Variants in RBFOX1 observed in about 807,000 individuals in gnomAD.
RBFOX1 encodes RNA binding protein fox-1 homolog 1.
In RBFOX1, 8 loss-of-function variants were observed where a neutral mutation model predicts 57.7. The ratio of observed to expected loss-of-function variants is 0.14; its 90% confidence interval spans 0.08 to 0.25. The LOEUF is 0.25. RBFOX1 is among the 10% of genes least tolerant of loss of function. The probability of loss-of-function intolerance (pLI) is 1.00; values close to 1 mark genes in which losing one functional copy is unlikely to be tolerated. For synonymous variants in RBFOX1, 326 were observed against 222.4 expected, an observed-to-expected ratio of 1.47 and a Z score of -4.15; for missense variants, 611 against 548.5, an observed-to-expected ratio of 1.11 and a Z score of -1.14.
At chr16:6,478,824 T>C (rs2095325831) in intron 2 of RBFOX1, among the ~76,000 whole-genome samples, 2 of 152,136 alleles carry the variant, frequency 1.3e-5, no homozygotes, top group African/African-American at 4.8e-5. Flanking sequence ...GCACAGTTTT[T>C]GGCACCCCAA....
At chr16:6,481,569 A>T (rs2095371588) in intron 2 of RBFOX1, among the ~76,000 whole-genome samples, 1 of 152,210 alleles carries the variant, frequency 6.6e-6, no homozygotes, top group African/African-American at 2.4e-5. Context: ...TGCTGGGTTA[A>T]TAATAATACT....
chr16:7,174,104 C>T (rs912288320), intron 4 of RBFOX1, among the ~76,000 whole-genome samples: 10 of 152,088 alleles, frequency 6.6e-5, no homozygotes, highest in African/African-American at 2.2e-4. Context: ...CTTTCCTGGA[C>T]AGGTTGTAGA....
chr16:7,697,352 C>A (rs150077926), intron 14 of RBFOX1, among the ~76,000 whole-genome samples: 1 of 152,176 alleles, frequency 6.6e-6, no homozygotes, highest in African/African-American at 2.4e-5. Context: ...AAGGGTCTAT[C>A]AGTTAATTCC....
chr16:5,962,241 C>G (rs1395565702), intron 4 of RBFOX1, among the ~76,000 whole-genome samples: 4 of 152,204 alleles, frequency 2.6e-5, no homozygotes, highest in African/African-American at 9.7e-5. Flanking sequence ...GCAAGATCCA[C>G]TTCTCATCAA....
chr16:7,216,475 T>C (rs938392534), intron 4 of RBFOX1, among the ~76,000 whole-genome samples: 8 of 152,076 alleles, frequency 5.3e-5, no homozygotes, highest in African/African-American at 1.9e-4. Flanking sequence ...GGAGTCAGAG[T>C]GAGACCTTGT....
intron 4 of RBFOX1, among the ~76,000 whole-genome samples, chr16:5,977,928 A>G (rs1397807595): frequency 6.6e-6 from 1 of 151,828 alleles, no homozygotes; most frequent in Non-Finnish European, 1.5e-5. Flanking sequence ...GCTAAAATCG[A>G]TATTCCATGA....
At chr16:6,989,566 T>C (rs1316977790) in intron 3 of RBFOX1, among the ~76,000 whole-genome samples, 2 of 152,120 alleles carry the variant, frequency 1.3e-5, no homozygotes, top group African/African-American at 2.4e-5. Context: ...ATATAAAGAA[T>C]AGAAACAGGT....
intron 4 of RBFOX1, among the ~76,000 whole-genome samples, chr16:7,400,705 A>T (rs998368901): frequency 1.3e-5 from 2 of 152,146 alleles, no homozygotes; most frequent in Admixed American, 1.3e-4. Context: ...AGGGGAGGAA[A>T]AATTCTTCTG....
At chr16:5,750,430 G>C (rs867793891) in intron 3 of RBFOX1, among the ~76,000 whole-genome samples, 2 of 152,234 alleles carry the variant, frequency 1.3e-5, no homozygotes, top group South Asian at 4.1e-4. Flanking sequence ...AGAGGTTTCT[G>C]CTACCTTTTG....
At chr16:7,254,820 A>G (rs1222581854) in intron 4 of RBFOX1, among the ~76,000 whole-genome samples, 1 of 152,194 alleles carries the variant, frequency 6.6e-6, no homozygotes. Context: ...ATGAACAAGA[A>G]GAAAAAGACT....
chr16:6,869,785 A>G (rs1215742709), intron 3 of RBFOX1, among the ~76,000 whole-genome samples: 3 of 152,156 alleles, frequency 2.0e-5, no homozygotes, highest in Admixed American at 2.0e-4. Context: ...TTGATGTGGA[A>G]TTTCCAATTA....
intron 11 of RBFOX1, among the ~76,000 whole-genome samples, chr16:7,637,562 C>A (rs2061977881): frequency 2.6e-5 from 4 of 152,104 alleles, no homozygotes; most frequent in African/African-American, 7.2e-5. Flanking sequence ...AAAGTAAGGA[C>A]CTAAATTAAT....
chr16:5,403,233 C>T (rs149592479), intron 1 of RBFOX1, among the ~76,000 whole-genome samples: 1,658 of 151,742 alleles, frequency 0.011, 45 homozygotes, highest in African/African-American at 0.038. Flanking sequence ...GCTTGTAATC[C>T]CAGCTATTTG....
chr16:6,440,795 C>G (rs1432559473), intron 2 of RBFOX1, among the ~76,000 whole-genome samples: 2 of 119,618 alleles, frequency 1.7e-5, no homozygotes, highest in Admixed American at 8.2e-5. Context: ...AGCGAGACAC[C>G]ATCTGGAAAA....
intron 1 of RBFOX1, among the ~76,000 whole-genome samples, chr16:6,218,011 G>A (rs1238984835): frequency 6.6e-6 from 1 of 152,120 alleles, no homozygotes; most frequent in African/African-American, 2.4e-5. Context: ...GTGAGATTCT[G>A]TCTCAAAAAT....
chr16:7,221,009 A>G (rs1177315720), intron 4 of RBFOX1, among the ~76,000 whole-genome samples: 1 of 152,168 alleles, frequency 6.6e-6, no homozygotes, highest in Non-Finnish European at 1.5e-5. Context: ...AACTCCAGCA[A>G]TAAGAACTTA....
At chr16:6,953,901 T>C (rs1033177987) in intron 3 of RBFOX1, among the ~76,000 whole-genome samples, 8 of 152,190 alleles carry the variant, frequency 5.3e-5, no homozygotes, top group Non-Finnish European at 8.8e-5. Flanking sequence ...TAAAGTTTTT[T>C]TTGGTTGTTG....
intron 1 of RBFOX1, among the ~76,000 whole-genome samples, chr16:6,232,258 C>G: frequency 6.6e-6 from 1 of 152,150 alleles, no homozygotes; most frequent in East Asian, 1.9e-4. Context: ...AATGTCACAC[C>G]AGGAGGGACC....
chr16:5,492,273 T>A (rs1350483572), intron 2 of RBFOX1, among the ~76,000 whole-genome samples: 1 of 152,154 alleles, frequency 6.6e-6, no homozygotes, highest in East Asian at 1.9e-4. Flanking sequence ...AGGTACCTGT[T>A]TTTCCCAATT....
Sources: allele counts gnomAD v4.1 joint callset (sites outside exome capture counted in the v4.1 genomes callset), GRCh38; gene constraint gnomAD v4.1.1; transcripts MANE v1.5; gene names NCBI Gene and HGNC (gene_info 2026-07-23, HGNC 2026-07-21).